FYN: variants seen among roughly 807,000 people sequenced by gnomAD.
The protein encoded by FYN is FYN proto-oncogene, Src family tyrosine kinase, also known as tyrosine-protein kinase Fyn.
FYN carries 10 observed loss-of-function variants against 70.2 expected under a neutral mutation model. That is an observed-to-expected ratio of 0.14 (90% CI 0.09 to 0.24). The LOEUF (loss-of-function observed/expected upper bound fraction) is 0.24, where lower values mean the gene tolerates loss of function less well. Ranked by LOEUF, FYN falls within the 10% of genes least tolerant of loss-of-function variation. The probability of loss-of-function intolerance (pLI) is 1.00; values close to 1 mark genes in which losing one functional copy is unlikely to be tolerated. For synonymous variants in FYN, 236 were observed against 248.6 expected, an observed-to-expected ratio of 0.95 and a Z score of 0.48; for missense variants, 319 against 673.1, an observed-to-expected ratio of 0.47 and a Z score of 5.82.
At chr6:111,869,742 A>G (rs1188052897) in intron 1 of FYN, among the ~76,000 whole-genome samples, 1 of 152,208 alleles carries the variant, frequency 6.6e-6, no homozygotes, top group Non-Finnish European at 1.5e-5. Context: ...AGTCTACAGA[A>G]TGACCAGATG....
intron 1 of FYN, among the ~76,000 whole-genome samples, chr6:111,855,124 G>A (rs1251308602): frequency 6.6e-6 from 1 of 152,152 alleles, no homozygotes; most frequent in Non-Finnish European, 1.5e-5. Flanking sequence ...TTCACCAAGA[G>A]TTAAATTATT....
At chr6:111,689,472 G>C (rs1799206852) in intron 12 of FYN, among the ~76,000 whole-genome samples, 1 of 152,238 alleles carries the variant, frequency 6.6e-6, no homozygotes, top group African/African-American at 2.4e-5. Flanking sequence ...AGCCCAGAGA[G>C]ATGAGGGCAT....
Position 111,714,424 on chromosome 6 carries a change from G to A in FYN, c.267C>T (p.Ala89=). Residue 89 remains alanine, a synonymous_variant, in exon 5 of 14, where the codon GCC becomes GCT. Coordinates refer to ENST00000354650, the MANE Select transcript of FYN (RefSeq NM_002037.5). ...CTGTCCGTGCTTCATAGTCATAAAGGGCCACAAAGAGTGTCACTCCTGCCG... is the reference window on the plus strand; with the variant it reads ...CTGTCCGTGCTTCATAGTCATAAAGAGCCACAAAGAGTGTCACTCCTGCCG... The part of the protein sequence containing the change: ...RGGTGVTLFV[A]LYDYEARTED... 1 of 1,613,834 alleles carries A rather than the reference G, an allele frequency of 6.2e-7. No homozygotes were observed. Among genetic ancestry groups the A allele is most frequent in the Non-Finnish European group, 8.5e-7 (1 of 1,179,902 alleles).
intron 1 of FYN, among the ~76,000 whole-genome samples, chr6:111,867,406 G>A (rs1475215067): frequency 7.4e-6 from 1 of 135,310 alleles, no homozygotes; most frequent in Admixed American, 8.1e-5. Flanking sequence ...AGTGAGCTGA[G>A]ATCACGCCAT....
chr6:111,661,987 T>C lies in FYN; in HGVS notation c.1406-40A>G. 2.0e-6 allele frequency: 3 copies of C among 1,525,244 alleles called. No homozygotes were observed. Among genetic ancestry groups the C allele is most frequent in the Non-Finnish European group, 2.7e-6 (3 of 1,124,312 alleles). The allele number at this position is 1,525,244 out of a possible 1,614,324, so 94.5% of individuals were successfully genotyped here. A position where few individuals can be genotyped will look rare whatever the true frequency, so the allele number is the denominator to read the frequency against. ...GCAGTGAGAGTGGGCACCCCGGGGA[T>C]CCAGGCCCTGACCGCCGCACTTGCA... On this transcript the variant is annotated intron_variant, in intron 13 of 13. Coordinates refer to ENST00000354650, the MANE Select transcript of FYN (RefSeq NM_002037.5). This position sits in a 1 kb window ranked among gnomAD's most constrained non-coding sequence, Gnocchi z 4.0.
chr6:111,674,444 T>A, intron 13 of FYN, 55 bp downstream of exon 13: 1 of 1,556,096 alleles, frequency 6.4e-7, no homozygotes, highest in South Asian at 1.2e-5. Flanking sequence ...TTTTCCCAAA[T>A]GGTGTCAAAA....
At chr6:111,673,565 C>T (rs1038623428) in intron 13 of FYN, among the ~76,000 whole-genome samples, 4 of 151,052 alleles carry the variant, frequency 2.6e-5, no homozygotes, top group Admixed American at 6.6e-5. Context: ...GATTACAAAC[C>T]CAGGATTTGC....
intron 10 of FYN, 28 bp downstream of exon 10, chr6:111,696,249 G>A: frequency 6.3e-7 from 1 of 1,578,422 alleles, no homozygotes; most frequent in African/African-American, 1.4e-5. Flanking sequence ...GGCACTGTGA[G>A]CTGGAGACAG....
intron 4 of FYN, 88 bp downstream of exon 4, chr6:111,719,717 G>C: frequency 6.9e-7 from 1 of 1,444,610 alleles, no homozygotes; most frequent in Non-Finnish European, 9.5e-7. Flanking sequence ...CCTAGTCAAA[G>C]GGAAGTGATG....
intron 3 of FYN, among the ~76,000 whole-genome samples, chr6:111,737,305 A>G (rs1801751079): frequency 6.6e-6 from 1 of 152,176 alleles, no homozygotes; most frequent in Non-Finnish European, 1.5e-5. Context: ...TTGAGGGCTT[A>G]GTTTCACAAA....
chr6:111,728,008 A>C (rs1388644232), intron 3 of FYN, among the ~76,000 whole-genome samples: 1 of 152,224 alleles, frequency 6.6e-6, no homozygotes, highest in African/African-American at 2.4e-5. Flanking sequence ...ATCAGACCCC[A>C]GTGGTGAGAT....
At chr6:111,851,958 G>T (rs1773698410) in intron 1 of FYN, among the ~76,000 whole-genome samples, 1 of 151,284 alleles carries the variant, frequency 6.6e-6, no homozygotes, top group Non-Finnish European at 1.5e-5. Flanking sequence ...ATTTAAAAGT[G>T]TTAGTTTACA....
intron 9 of FYN, among the ~76,000 whole-genome samples, chr6:111,697,202 A>G (rs1283475569): frequency 6.6e-6 from 1 of 152,254 alleles, no homozygotes; most frequent in South Asian, 2.1e-4. Context: ...TCTGAAGGCA[A>G]GGCCTGGATT....
At chr6:111,672,046 C>A (rs1798301657) in intron 13 of FYN, among the ~76,000 whole-genome samples, 1 of 152,170 alleles carries the variant, frequency 6.6e-6, no homozygotes, top group Non-Finnish European at 1.5e-5. Context: ...CCAATGAGGA[C>A]ACGGTTCCCT....
chr6:111,710,586 ATCT>A (rs934494837), intron 5 of FYN, among the ~76,000 whole-genome samples: 1 of 152,204 alleles, frequency 6.6e-6, no homozygotes, highest in African/African-American at 2.4e-5. Flanking sequence ...TTCTAGGGTC[ATCT>A]TCTTCATCAA....
chr6:111,703,166 C>T, intron 7 of FYN, 132 bp from the exon 8 acceptor site: 1 of 727,404 alleles, frequency 1.4e-6, no homozygotes, highest in Non-Finnish European at 2.3e-6. Flanking sequence ...ACAGCATCTC[C>T]ACTCAGTAAC....
intron 2 of FYN, among the ~76,000 whole-genome samples, chr6:111,824,136 A>G (rs1454251762): frequency 6.6e-6 from 1 of 152,226 alleles, no homozygotes; most frequent in East Asian, 1.9e-4. Context: ...TCTTTAAAAA[A>G]TCCCCACTGC....
chr6:111,777,767 CT>C (rs1771009153), intron 3 of FYN, among the ~76,000 whole-genome samples: 2 of 152,212 alleles, frequency 1.3e-5, no homozygotes, highest in Non-Finnish European at 2.9e-5. Context: ...GAATTTCAAA[CT>C]TCCTATGACT....
chr6:111,841,122 C>T (rs542529922), intron 2 of FYN, among the ~76,000 whole-genome samples: 6 of 152,342 alleles, frequency 3.9e-5, no homozygotes, highest in African/African-American at 1.4e-4. Flanking sequence ...TGGGAACCAG[C>T]AGTGGAAAGA....
Sources: allele counts gnomAD v4.1 joint callset (sites outside exome capture counted in the v4.1 genomes callset), GRCh38; gene constraint gnomAD v4.1.1; non-coding constraint Gnocchi (gnomAD v3.1); transcripts MANE v1.5; gene names NCBI Gene and HGNC (gene_info 2026-07-23, HGNC 2026-07-21).